Variants in FAM78B observed in about 807,000 individuals in gnomAD.
FAM78B encodes the protein protein FAM78B.
Under a neutral mutation model 20.0 loss-of-function variants are expected in FAM78B, and 10 were observed. The observed-to-expected ratio is 0.50, with a 90% CI of 0.31 to 0.85. The LOEUF is 0.85. FAM78B is among the 40% of genes least tolerant of loss of function. The probability of loss-of-function intolerance (pLI) is 0.05; values close to 1 mark genes in which losing one functional copy is unlikely to be tolerated. For synonymous variants in FAM78B, 135 were observed against 132.8 expected (o/e 1.02, Z -0.12); for missense variants, 283 against 345.0 (o/e 0.82, Z 1.42).
At chr1:166,104,595 C>T (rs191027159) in intron 1 of FAM78B, among the ~76,000 whole-genome samples, 83 of 152,222 alleles carry the variant, frequency 5.5e-4, no homozygotes, top group Non-Finnish European at 9.4e-4. Context: ...GAGTGAACTC[C>T]CATTCACAAT....
intron 1 of FAM78B, among the ~76,000 whole-genome samples, chr1:166,089,806 A>G (rs1409931997): frequency 6.6e-6 from 1 of 152,016 alleles, no homozygotes; most frequent in Admixed American, 6.6e-5. Flanking sequence ...TATCCCTTGG[A>G]CTCAGTAGGA....
intron 1 of FAM78B, among the ~76,000 whole-genome samples, chr1:166,162,324 A>G (rs1012457029): frequency 2.0e-5 from 3 of 152,232 alleles, no homozygotes; most frequent in African/African-American, 7.2e-5. Flanking sequence ...TCTTGAAGCT[A>G]TGACTGAGCT....
chr1:166,073,794 GC>G (rs1652151457), intron 1 of FAM78B, among the ~76,000 whole-genome samples: 1 of 152,088 alleles, frequency 6.6e-6, no homozygotes. Flanking sequence ...CTGTCTCTCT[GC>G]AAGGGGTGGC....
At chr1:166,131,011 A>G (rs2310777) in intron 1 of FAM78B, among the ~76,000 whole-genome samples, 133,712 of 143,420 alleles carry the variant, frequency 0.93, 62,745 homozygotes, top group Middle Eastern at 0.99. Flanking sequence ...TTTTGATACA[A>G]GAGTCTTGTT....
At position 166,114,792 on chromosome 1, in the gene FAM78B, A is replaced by AT. The variant is rs571181389; in HGVS notation, c.264-44030dup. Among the ~76,000 whole-genome samples, 480 of 152,226 alleles carry AT rather than the reference A, an allele frequency of 3.2e-3. 4 individuals are homozygous for AT. Among genetic ancestry groups the AT allele is most frequent in the African/African-American group, 0.011 (459 of 41,514 alleles). On this transcript the variant is annotated intron_variant, in intron 1 of 1. Transcript: ENST00000354422. ...TTTAAAAGAGACAACAATATAGCAT[A>AT]TTTTTTTGTTGTTGTTCTCTTTTTC...
intron 1 of FAM78B, among the ~76,000 whole-genome samples, chr1:166,079,351 T>C (rs56229127): frequency 0.15 from 23,364 of 152,140 alleles, 1,980 homozygotes; most frequent in African/African-American, 0.23. Context: ...TCTGGGTACC[T>C]AGGATCTCAA....
chr1:166,104,810 T>G (rs1317822013), intron 1 of FAM78B, among the ~76,000 whole-genome samples: 1 of 152,140 alleles, frequency 6.6e-6, no homozygotes, highest in East Asian at 1.9e-4. Context: ...ATGCCATCCC[T>G]ATCAAGCTAC....
Position 166,160,873 on chromosome 1 carries a change from AG to A in FAM78B, c.263+5112del, listed in dbSNP as rs1446023176. Among the ~76,000 whole-genome samples, 4 of 152,372 alleles carry A rather than the reference AG, an allele frequency of 2.6e-5. No individual in the cohort carries two copies. In the East Asian group the frequency reaches 7.7e-4, roughly 29 times the overall value. On this transcript the variant is annotated intron_variant, in intron 1 of 1. Transcript: ENST00000354422. ...TTATATTCTCACTAATTATATTCTTAGTAATGGTAACCAGTATAAGAACAGC... is the reference window on the plus strand; with the variant it reads ...TTATATTCTCACTAATTATATTCTTATAATGGTAACCAGTATAAGAACAGC...
intron 1 of FAM78B, among the ~76,000 whole-genome samples, chr1:166,112,285 T>C (rs1182864746): frequency 1.3e-5 from 2 of 152,136 alleles, no homozygotes; most frequent in African/African-American, 4.8e-5. Context: ...ATGAAGAAAA[T>C]AAAGGTGTGA....
At position 166,128,688 on chromosome 1, in the gene FAM78B, C is replaced by T. The variant is rs147771456; in HGVS notation, c.263+37298G>A. 3.9e-3 allele frequency among the ~76,000 whole-genome samples: 593 copies of T among 152,288 alleles called. 3 individuals are homozygous for T. Among genetic ancestry groups the T allele is most frequent in the African/African-American group, 0.013 (542 of 41,550 alleles). On this transcript the variant is annotated intron_variant, in intron 1 of 1. Transcript: ENST00000354422. ...GGTTTGGTCTTCGGGCATCTCTTTC[C>T]ACTTTCCCACTGGGAGAGAACATGG...
chr1:166,064,779 T>G (rs1031932763), downstream of FAM78B, among the ~76,000 whole-genome samples: 7 of 152,234 alleles, frequency 4.6e-5, no homozygotes, highest in Non-Finnish European at 7.3e-5. Context: ...GGCAGCACAT[T>G]AGGCAATTTG....
chr1:166,081,531 C>T (rs1034930109), intron 1 of FAM78B, among the ~76,000 whole-genome samples: 12 of 152,162 alleles, frequency 7.9e-5, no homozygotes, highest in Non-Finnish European at 1.0e-4. Flanking sequence ...GCCTGCAGAG[C>T]GCCGTGCAGG....
At chr1:166,105,502 C>T (rs764189724) in intron 1 of FAM78B, among the ~76,000 whole-genome samples, 4 of 152,146 alleles carry the variant, frequency 2.6e-5, no homozygotes, top group African/African-American at 9.6e-5. Context: ...CTCAAACAAA[C>T]TTACAAGAAA....
intron 1 of FAM78B, among the ~76,000 whole-genome samples, chr1:166,115,896 T>C (rs56044172): frequency 0.15 from 23,069 of 152,214 alleles, 2,037 homozygotes; most frequent in East Asian, 0.27. Context: ...CAATACCTGT[T>C]CTCTAAACAG....
downstream of FAM78B, among the ~76,000 whole-genome samples, chr1:166,055,982 G>C (rs962922389): frequency 6.6e-6 from 1 of 152,150 alleles, no homozygotes; most frequent in African/African-American, 2.4e-5. Flanking sequence ...AGTGCCAATT[G>C]TTCTTTCCAG....
chr1:166,134,625 A>G (rs1204704374), intron 1 of FAM78B, among the ~76,000 whole-genome samples: 1 of 152,220 alleles, frequency 6.6e-6, no homozygotes, highest in Admixed American at 6.5e-5. Context: ...TGACTGGAGC[A>G]TATGAATTTA....
rs912810100 is a variant in FAM78B, at chr1:166,152,144, T to G, written c.263+13842A>C. Among the ~76,000 whole-genome samples the G allele has an allele frequency of 2.0e-5, 3 of 152,120 alleles. No homozygotes were observed. The East Asian group carries it at 5.8e-4, about 29-fold the overall frequency. On this transcript the variant is annotated intron_variant, in intron 1 of 1. Transcript: ENST00000354422. ...GTCCACCGAGGCTATAAAGGGCCCT[T>G]CAGTGTTCCTAGCTCCTCCCCTCTC...
chr1:166,125,268 A>AGG (rs1169507835), intron 1 of FAM78B, among the ~76,000 whole-genome samples: 1,964 of 152,266 alleles, frequency 0.013, 23 homozygotes, highest in South Asian at 0.028. Context: ...TTCCTTAAAT[A>AGG]AGCCATTGGA....
At chr1:166,079,828 A>G (rs1337859317) in intron 1 of FAM78B, among the ~76,000 whole-genome samples, 1 of 152,074 alleles carries the variant, frequency 6.6e-6, no homozygotes, top group African/African-American at 2.4e-5. Flanking sequence ...TTGTATTCAT[A>G]CTCCGAAGCC....
Sources: allele counts gnomAD v4.1 joint callset (sites outside exome capture counted in the v4.1 genomes callset), GRCh38; gene constraint gnomAD v4.1.1; transcripts MANE v1.5; gene names NCBI Gene and HGNC (gene_info 2026-07-23, HGNC 2026-07-21).